Variants in MCPH1 observed in about 807,000 individuals in gnomAD.
MCPH1 encodes microcephalin.
A neutral mutation model predicts 84.5 loss-of-function variants in MCPH1; 104 were observed. The observed-to-expected ratio is 1.23, with a 90% confidence interval of 1.05 to 1.45. The LOEUF is 1.45. Ranked by LOEUF, MCPH1 falls within the 40% of genes most tolerant of loss-of-function variation. MCPH1 has a pLI of 0.00. For missense variants in MCPH1, 1,498 were observed against 1,005.7 expected, an observed-to-expected ratio of 1.49 and a Z score of -6.62; for synonymous variants, 514 against 366.8, an observed-to-expected ratio of 1.40 and a Z score of -4.58.
chr8:6,604,561 G>C (rs961381938), intron 12 of MCPH1, among the ~76,000 whole-genome samples: 3 of 152,278 alleles, frequency 2.0e-5, no homozygotes, highest in Non-Finnish European at 4.4e-5. Flanking sequence ...CTGGAGTGCA[G>C]TGGCGCAAAC....
At chr8:6,577,555 T>G (rs1827219024) in intron 12 of MCPH1, among the ~76,000 whole-genome samples, 1 of 152,266 alleles carries the variant, frequency 6.6e-6, no homozygotes, top group African/African-American at 2.4e-5. Flanking sequence ...AAGACAACTT[T>G]AGAACTTCCT....
rs118189212 is a variant in MCPH1 at position 6,472,817 on chromosome 8, A to G, written c.1936-4777A>G. Among the ~76,000 whole-genome samples, 188 of 152,326 alleles carry G rather than the reference A, an allele frequency of 1.2e-3. 3 individuals are homozygous for G. In the East Asian group the frequency reaches 0.03, roughly 25 times the overall value. On this transcript the variant is annotated intron_variant, in intron 9 of 13. Transcript: ENST00000344683. ...TATCATTTAGGATTTGATTTGCGGA[A>G]GGCAAAATATCAAAAATTATCAAGA...
chr8:6,575,109 C>T (rs2129576679), intron 12 of MCPH1, among the ~76,000 whole-genome samples: 1 of 152,244 alleles, frequency 6.6e-6, no homozygotes, highest in East Asian at 1.9e-4. Context: ...TTTAAATTGG[C>T]TATGAGACTT....
chr8:6,545,333 C>T (rs1586535769), intron 12 of MCPH1, among the ~76,000 whole-genome samples: 1 of 152,082 alleles, frequency 6.6e-6, no homozygotes, highest in South Asian at 2.1e-4. Context: ...ATACTTTATC[C>T]ATTTCCTGTG....
intron 12 of MCPH1, among the ~76,000 whole-genome samples, chr8:6,612,067 C>T (rs1055242714): frequency 1.3e-5 from 2 of 152,154 alleles, no homozygotes; most frequent in African/African-American, 4.8e-5. Context: ...GGCCCCCAGC[C>T]TCCAGGAGCC....
At chr8:6,537,355 T>G (rs12541780) in intron 12 of MCPH1, among the ~76,000 whole-genome samples, 23,548 of 151,980 alleles carry the variant, frequency 0.15, 1,971 homozygotes, top group Admixed American at 0.22. Context: ...GGCCTTGGGC[T>G]GTTCTTCCTT....
At chr8:6,488,878 G>C (rs1189553474) in intron 11 of MCPH1, among the ~76,000 whole-genome samples, 1 of 152,092 alleles carries the variant, frequency 6.6e-6, no homozygotes, top group African/African-American at 2.4e-5. Context: ...CTGCGGCTGT[G>C]TCTAGAGGGG....
chr8:6,546,324 C>T (rs1472999317), intron 12 of MCPH1, among the ~76,000 whole-genome samples: 2 of 152,136 alleles, frequency 1.3e-5, no homozygotes, highest in Admixed American at 1.3e-4. Flanking sequence ...AGCAGTTCAC[C>T]GTTTCAACAG....
At chr8:6,589,751 C>T (rs1828291188) in intron 12 of MCPH1, among the ~76,000 whole-genome samples, 1 of 152,196 alleles carries the variant, frequency 6.6e-6, no homozygotes, top group Admixed American at 6.5e-5. Flanking sequence ...CAACCAAATA[C>T]ATTATGTGTA....
intron 13 of MCPH1, among the ~76,000 whole-genome samples, chr8:6,636,031 G>A (rs1288282999): frequency 1.3e-5 from 2 of 152,166 alleles, no homozygotes; most frequent in Non-Finnish European, 2.9e-5. Context: ...TGACTGCTTG[G>A]TAGTAGCATA....
Position 6,409,330 on chromosome 8 carries a change from CAA to C in MCPH1, c.76_77del (p.Lys26AspfsTer18), listed in dbSNP as rs1225945960. 1.2e-6 allele frequency: 2 copies of C among 1,613,894 alleles called. No individual in the cohort carries two copies. The highest frequency in any genetic ancestry group is 1.3e-5 in the African/African-American group (1 of 74,870). ...TCATCCAATGGAACAGAAAATTATT[CAA>C]AGACATTTACAACACAGCTTGTGGA... is the stretch of plus-strand genomic sequence containing the variant. On this transcript the variant is annotated frameshift_variant, in exon 2 of 14. Transcript: ENST00000344683. LOFTEE classifies it high-confidence loss of function.
rs1169696197 is a variant in MCPH1, at chr8:6,646,388, T to G, written c.*3339T>G. The stretch of plus-strand genomic sequence containing the variant: ...AAAAACAACAACAAGAACAAAAGTA[T>G]CACATTGGCATAAGAATAGACATGT... On this transcript the variant is annotated 3_prime_UTR_variant, in exon 14 of 14. Coordinates refer to ENST00000344683, the MANE Select transcript of MCPH1 (RefSeq NM_024596.5). The G allele has an allele frequency of 1.3e-5, 2 of 152,124 alleles. No individual in the cohort carries two copies. The highest frequency in any genetic ancestry group is 4.8e-5 in the African/African-American group (2 of 41,420). 9.4% of individuals were successfully genotyped at this position (152,124 alleles called of 1,614,324 possible).
chr8:6,543,337 G>A (rs983034437), intron 12 of MCPH1, among the ~76,000 whole-genome samples: 2 of 152,170 alleles, frequency 1.3e-5, no homozygotes, highest in Admixed American at 6.5e-5. Flanking sequence ...CTCAGTATGG[G>A]TGATGGCTCT....
intron 13 of MCPH1, among the ~76,000 whole-genome samples, chr8:6,634,283 A>G (rs1563220950): frequency 1.3e-5 from 2 of 152,220 alleles, no homozygotes; most frequent in African/African-American, 4.8e-5. Flanking sequence ...ATGACATGGA[A>G]TTCAAGTTTT....
chr8:6,410,226 G>A (rs1260471176), intron 2 of MCPH1, among the ~76,000 whole-genome samples: 2 of 151,482 alleles, frequency 1.3e-5, no homozygotes, highest in Non-Finnish European at 2.9e-5. Context: ...CGCCCACCTC[G>A]GCCTCCCAAA....
In MCPH1 at chr8:6,646,978, G is replaced by C. The variant is rs1402868189; in HGVS notation, c.*3929G>C. On this transcript the variant is annotated 3_prime_UTR_variant, in exon 14 of 14. Transcript: ENST00000344683. Reference sequence around the variant, plus strand: ...GGGCTTTGTCAAAATTTTAAGTTTTGCTCTTCTGAAGAAACCATTAAAAAA... The same window carrying C: ...GGGCTTTGTCAAAATTTTAAGTTTTCCTCTTCTGAAGAAACCATTAAAAAA... 6.6e-6 allele frequency: 1 copy of C among 151,692 alleles called. No individual in the cohort carries two copies. Among genetic ancestry groups the C allele is most frequent in the African/African-American group, 2.4e-5 (1 of 41,232 alleles). 9.4% of individuals were successfully genotyped at this position (151,692 alleles called of 1,614,324 possible).
rs926076305 is a variant in MCPH1 at position 6,479,617 on chromosome 8, A to T, written c.1974-1097A>T. 2.8e-4 allele frequency among the ~76,000 whole-genome samples: 43 copies of T among 151,846 alleles called. 1 individual carries two copies. The highest frequency in any genetic ancestry group is 9.7e-4 in the African/African-American group (40 of 41,430). Reference sequence around the variant, plus strand: ...GCCCGGCTAATTTTTTTGTTTTTTTAGTAGAGACAGCGTTTCACCATGTTG... The same window carrying T: ...GCCCGGCTAATTTTTTTGTTTTTTTTGTAGAGACAGCGTTTCACCATGTTG... On this transcript the variant is annotated intron_variant, in intron 10 of 13. Transcript: ENST00000344683.
At chr8:6,489,043 G>A (rs1288243526) in intron 11 of MCPH1, among the ~76,000 whole-genome samples, 1 of 152,178 alleles carries the variant, frequency 6.6e-6, no homozygotes, top group Admixed American at 6.5e-5. Context: ...GGTGCCATTT[G>A]CAGAGTTAGG....
intron 5 of MCPH1, 95 bp from the exon 6 acceptor site, chr8:6,438,858 A>T (rs1232232236): frequency 1.8e-6 from 2 of 1,136,532 alleles, no homozygotes; most frequent in African/African-American, 3.0e-5. Flanking sequence ...GAAGAAGGAA[A>T]ACGGGGTGTG....
Sources: gnomAD v4.1 joint callset for allele counts (sites outside exome capture counted in the v4.1 genomes callset) on GRCh38, gnomAD v4.1.1 for gene constraint, MANE v1.5 for transcripts, NCBI Gene and HGNC (gene_info 2026-07-23, HGNC 2026-07-21) for gene names.